Variants in PAWR observed in about 807,000 individuals in gnomAD.
PAWR encodes PRKC apoptosis WT1 regulator protein.
A neutral mutation model predicts 32.0 loss-of-function variants in PAWR; 23 were observed. That is an observed-to-expected ratio of 0.72 (90% CI 0.52 to 1.02). The LOEUF (loss-of-function observed/expected upper bound fraction) is 1.02, where lower values mean the gene tolerates loss of function less well. PAWR is among the 50% of genes least tolerant of loss of function. The pLI, the probability that PAWR is intolerant of heterozygous loss-of-function variation, is 0.00. For missense variants in PAWR, 457 were observed against 437.7 expected (o/e 1.04, Z -0.39); for synonymous variants, 226 against 187.1 (o/e 1.21, Z -1.70).
intron 2 of PAWR, among the ~76,000 whole-genome samples, chr12:79,634,742 T>C (rs1185259063): frequency 6.6e-6 from 1 of 152,110 alleles, no homozygotes; most frequent in Non-Finnish European, 1.5e-5. Context: ...TGAGTCACTT[T>C]GTAGAACACA....
chr12:79,615,996 G>T (rs1024653339), intron 3 of PAWR, among the ~76,000 whole-genome samples: 3 of 148,916 alleles, frequency 2.0e-5, no homozygotes, highest in African/African-American at 7.6e-5. Flanking sequence ...GGCAGAGGTT[G>T]CAGTGAGCTG....
intron 2 of PAWR, among the ~76,000 whole-genome samples, chr12:79,632,791 A>G (rs2136750678): frequency 6.6e-6 from 1 of 152,234 alleles, no homozygotes; most frequent in Middle Eastern, 3.4e-3. Flanking sequence ...AAAAGGAAAA[A>G]GTTAACTTCA....
intron 2 of PAWR, among the ~76,000 whole-genome samples, chr12:79,680,555 A>T (rs774813527): frequency 3.3e-5 from 5 of 152,172 alleles, no homozygotes; most frequent in Non-Finnish European, 4.4e-5. Context: ...GTTATGCCCC[A>T]AACTCCATTT....
At chr12:79,661,758 A>G (rs1230841652) in intron 2 of PAWR, among the ~76,000 whole-genome samples, 1 of 152,176 alleles carries the variant, frequency 6.6e-6, no homozygotes, top group East Asian at 1.9e-4. Context: ...ATAGGCATCT[A>G]TGAAAAGTCT....
At chr12:79,612,023 C>T (rs1874461279) in intron 4 of PAWR, among the ~76,000 whole-genome samples, 1 of 152,022 alleles carries the variant, frequency 6.6e-6, no homozygotes, top group Non-Finnish European at 1.5e-5. Flanking sequence ...TGATAAGTTG[C>T]CACAGTTTAT....
intron 4 of PAWR, 187 bp from the exon 5 acceptor site, chr12:79,596,845 A>G (rs942038959): frequency 1.4e-5 from 7 of 509,410 alleles, no homozygotes; most frequent in African/African-American, 9.9e-5. Flanking sequence ...AGTACCATTA[A>G]TTCTTTCGAC....
chr12:79,629,062 C>T (rs1300476855), intron 2 of PAWR, among the ~76,000 whole-genome samples: 4 of 151,608 alleles, frequency 2.6e-5, no homozygotes, highest in Admixed American at 6.6e-5. Flanking sequence ...AATGATTAAA[C>T]AATACTCAAC....
intron 2 of PAWR, among the ~76,000 whole-genome samples, chr12:79,648,056 G>C (rs945638202): frequency 1.3e-5 from 2 of 152,204 alleles, no homozygotes; most frequent in Non-Finnish European, 2.9e-5. Context: ...AGGAGGCAGA[G>C]CTCAGGCAGT....
intron 2 of PAWR, among the ~76,000 whole-genome samples, chr12:79,636,513 TA>T (rs1360699818): frequency 6.6e-6 from 1 of 152,108 alleles, no homozygotes; most frequent in African/African-American, 2.4e-5. Flanking sequence ...AATTTCAACA[TA>T]AAACATAAGA....
At chr12:79,675,481 A>G (rs1878119505) in intron 2 of PAWR, among the ~76,000 whole-genome samples, 1 of 152,166 alleles carries the variant, frequency 6.6e-6, no homozygotes, top group Non-Finnish European at 1.5e-5. Context: ...TAAGTAATCA[A>G]CCCAGATCCC....
At chr12:79,638,782 A>T (rs1167156631) in intron 2 of PAWR, among the ~76,000 whole-genome samples, 1 of 100,620 alleles carries the variant, frequency 9.9e-6, no homozygotes, top group Non-Finnish European at 2.0e-5. Flanking sequence ...TGCTATCATT[A>T]TATTTGGGGT....
chr12:79,591,809 A>C lies in PAWR; in HGVS notation c.*798T>G, dbSNP rs1873565377. ...TTTTTCTCCTACACTGACTTTGTAC[A>C]CTTTCCAGGCCCGAAGAATAAAAAA... On this transcript the variant is annotated 3_prime_UTR_variant, in exon 7 of 7. Transcript: ENST00000328827. 6.6e-6 allele frequency: 1 copy of C among 152,398 alleles called. No homozygotes were observed. Among genetic ancestry groups the C allele is most frequent in the African/African-American group, 2.4e-5 (1 of 41,436 alleles). The allele number at this position is 152,398 out of a possible 1,614,324, so 9.4% of individuals were successfully genotyped here. A position where few individuals can be genotyped will look rare whatever the true frequency, so the allele number is the denominator to read the frequency against.
chr12:79,688,533 A>G (rs2136901388), intron 2 of PAWR: 1 of 151,938 alleles, frequency 6.6e-6, no homozygotes, highest in East Asian at 1.9e-4. Flanking sequence ...TTCTAAAGCA[A>G]TTTAATGAAT....
intron 2 of PAWR, among the ~76,000 whole-genome samples, chr12:79,656,053 G>A (rs998811707): frequency 1.3e-5 from 2 of 152,202 alleles, no homozygotes; most frequent in Non-Finnish European, 2.9e-5. Flanking sequence ...ATCTGAAGAT[G>A]AAGGAAAGCA....
At chr12:79,661,865 G>A in intron 2 of PAWR, among the ~76,000 whole-genome samples, 1 of 152,112 alleles carries the variant, frequency 6.6e-6, no homozygotes, top group South Asian at 2.1e-4. Context: ...TAGGGTTACA[G>A]CTGCTTAATC....
chr12:79,642,844 G>A lies in PAWR; in HGVS notation c.517-21637C>T, dbSNP rs8176838. On this transcript the variant is annotated intron_variant, in intron 2 of 6. Transcript: ENST00000328827. ...CTTGGAACCTGGAATGCAAAACATC[G>A]TTTCTGTTAACAGCAAGCTACTGTT... Among the ~76,000 whole-genome samples the A allele has an allele frequency of 4.2e-3, 642 of 152,148 alleles. 6 individuals are homozygous for A. Among genetic ancestry groups the A allele is most frequent in the African/African-American group, 0.014 (580 of 41,494 alleles).
chr12:79,642,113 A>G (rs1164836829), intron 2 of PAWR, among the ~76,000 whole-genome samples: 1 of 152,206 alleles, frequency 6.6e-6, no homozygotes, highest in Non-Finnish European at 1.5e-5. Context: ...TAGTATATAA[A>G]AAGGGAATAA....
intron 4 of PAWR, among the ~76,000 whole-genome samples, chr12:79,605,809 C>A (rs966034571): frequency 1.3e-5 from 2 of 152,176 alleles, no homozygotes; most frequent in African/African-American, 4.8e-5. Flanking sequence ...TGCAGTGGCT[C>A]ACGCCTGTAA....
intron 4 of PAWR, among the ~76,000 whole-genome samples, chr12:79,611,661 C>A (rs572622117): frequency 4.0e-4 from 60 of 151,328 alleles, no homozygotes; most frequent in African/African-American, 1.2e-3. Flanking sequence ...GAGCTCCAAA[C>A]CAATAAAAAA....
Sources: gnomAD v4.1 joint callset for allele counts (sites outside exome capture counted in the v4.1 genomes callset) on GRCh38, gnomAD v4.1.1 for gene constraint, MANE v1.5 for transcripts, NCBI Gene and HGNC (gene_info 2026-07-23, HGNC 2026-07-21) for gene names.